The following LRRC4C variants were observed in gnomAD, a reference collection of about 807,000 sequenced individuals.
The protein encoded by LRRC4C is leucine-rich repeat-containing protein 4C.
A neutral mutation model predicts 33.6 loss-of-function variants in LRRC4C; 5 were observed. The ratio of observed to expected loss-of-function variants is 0.15; its 90% CI spans 0.08 to 0.31. LRRC4C has a LOEUF of 0.31. Among genes scored for constraint, LRRC4C ranks in the 10% least tolerant of loss-of-function variants. The probability of loss-of-function intolerance (pLI) is 1.00; values close to 1 mark genes in which losing one functional copy is unlikely to be tolerated. For missense variants in LRRC4C, 560 were observed against 796.7 expected, an observed-to-expected ratio of 0.70 and a Z score of 3.58; for synonymous variants, 329 against 302.0, an observed-to-expected ratio of 1.09 and a Z score of -0.93.
rs34736782 is a variant in LRRC4C at position 41,344,226 on chromosome 11, CT to C, written c.-496+115204del. Among the ~76,000 whole-genome samples, 662 of 118,392 alleles carry C rather than the reference CT, an allele frequency of 5.6e-3. 1 individual carries two copies. The highest frequency in any genetic ancestry group is 8.1e-3 in the Non-Finnish European group (476 of 58,900). The allele number at this position is 118,392 out of a possible 152,430, so 77.7% of individuals were successfully genotyped here. A position where few individuals can be genotyped will look rare whatever the true frequency, so the allele number is the denominator to read the frequency against. On this transcript the variant is annotated intron_variant, in intron 1 of 6. Coordinates refer to ENST00000528697, the MANE Select transcript of LRRC4C (RefSeq NM_001258419.2). ...CTCTTTGCTCCTCTGTGAAGCCTTTCTTTTTTTTTTTTTTTTTTGCGATGGA... is the reference window on the plus strand; with the variant it reads ...CTCTTTGCTCCTCTGTGAAGCCTTTCTTTTTTTTTTTTTTTTTGCGATGGA...
intron 1 of LRRC4C, among the ~76,000 whole-genome samples, chr11:41,285,955 G>A (rs1461398996): frequency 6.6e-6 from 1 of 151,582 alleles, no homozygotes; most frequent in Non-Finnish European, 1.5e-5. Context: ...TCAGCCTCCC[G>A]AGTAGCTGGG....
rs150872542 is a variant in LRRC4C, at chr11:40,494,927, T to C, written c.-270+153215A>G. On this transcript the variant is annotated intron_variant, in intron 3 of 6. Transcript: ENST00000528697. Reference sequence around the variant, plus strand: ...TATCTAAATGTTGTTAGGTTTTAAATTTTTCCTTCTGTAAATTATAGAAAA... The same window carrying C: ...TATCTAAATGTTGTTAGGTTTTAAACTTTTCCTTCTGTAAATTATAGAAAA... Among the ~76,000 whole-genome samples, 163 of 152,328 alleles carry C rather than the reference T, an allele frequency of 1.1e-3. 1 individual carries two copies. The highest frequency in any genetic ancestry group is 1.9e-3 in the Non-Finnish European group (127 of 68,018).
chr11:41,189,440 G>A (rs1213776589), intron 1 of LRRC4C, among the ~76,000 whole-genome samples: 1 of 152,122 alleles, frequency 6.6e-6, no homozygotes, highest in Non-Finnish European at 1.5e-5. Flanking sequence ...AACTGTGTTT[G>A]TAGAGCTGGG....
intron 2 of LRRC4C, among the ~76,000 whole-genome samples, chr11:40,852,311 C>A (rs552613185): frequency 3.9e-5 from 6 of 152,174 alleles, no homozygotes; most frequent in African/African-American, 1.4e-4. Flanking sequence ...CATTTCCACA[C>A]CAGTCTCTTC....
chr11:41,268,659 G>C (rs1949227401), intron 1 of LRRC4C, among the ~76,000 whole-genome samples: 1 of 151,914 alleles, frequency 6.6e-6, no homozygotes, highest in Non-Finnish European at 1.5e-5. Flanking sequence ...AAAACAGTTT[G>C]GGATACAAAT....
At position 41,092,093 on chromosome 11, in the gene LRRC4C, C is replaced by T. The variant is rs545895641; in HGVS notation, c.-495-158370G>A. Among the ~76,000 whole-genome samples, 7 of 152,078 alleles carry T rather than the reference C, an allele frequency of 4.6e-5. No individual in the cohort carries two copies. The South Asian group carries it at 8.3e-4, about 18-fold the overall frequency. On this transcript the variant is annotated intron_variant, in intron 1 of 6. Transcript: ENST00000528697. ...TTTAAGTATTTTTTTACAATAAAAACGTATTATTTGGTTGAATTATAAAAT... is the reference window on the plus strand; with the variant it reads ...TTTAAGTATTTTTTTACAATAAAAATGTATTATTTGGTTGAATTATAAAAT...
At chr11:40,409,820 G>A (rs1019798158) in intron 3 of LRRC4C, among the ~76,000 whole-genome samples, 1 of 152,062 alleles carries the variant, frequency 6.6e-6, no homozygotes, top group Non-Finnish European at 1.5e-5. Context: ...GAAATGATAT[G>A]GAGGTTCCTC....
intron 1 of LRRC4C, among the ~76,000 whole-genome samples, chr11:40,981,663 T>C (rs747146977): frequency 4.6e-5 from 7 of 152,190 alleles, no homozygotes; most frequent in Non-Finnish European, 7.3e-5. Flanking sequence ...TAGAGATCAT[T>C]CCTTGGAATA....
At chr11:40,832,165 C>A (rs1431396948) in intron 2 of LRRC4C, among the ~76,000 whole-genome samples, 5 of 152,042 alleles carry the variant, frequency 3.3e-5, no homozygotes, top group Non-Finnish European at 7.4e-5. Context: ...GGTTACTCTA[C>A]TGCATAGTGT....
chr11:40,681,196 G>A (rs1432296038), intron 2 of LRRC4C, among the ~76,000 whole-genome samples: 2 of 152,158 alleles, frequency 1.3e-5, no homozygotes, highest in Admixed American at 1.3e-4. Flanking sequence ...GGGCACTGAT[G>A]AACCAAAATA....
intron 1 of LRRC4C, among the ~76,000 whole-genome samples, chr11:41,110,436 A>C (rs1941763261): frequency 6.6e-6 from 1 of 152,100 alleles, no homozygotes; most frequent in Non-Finnish European, 1.5e-5. Flanking sequence ...GTAAACTAAG[A>C]CAAAGAGAAT....
At chr11:41,069,870 T>C (rs1327949440) in intron 1 of LRRC4C, among the ~76,000 whole-genome samples, 1 of 152,100 alleles carries the variant, frequency 6.6e-6, no homozygotes, top group Non-Finnish European at 1.5e-5. Context: ...CAATGCTATT[T>C]TCATTAAACT....
chr11:41,049,457 G>T (rs1398019972), intron 1 of LRRC4C, among the ~76,000 whole-genome samples: 1 of 152,178 alleles, frequency 6.6e-6, no homozygotes, highest in African/African-American at 2.4e-5. Context: ...AATGGAAGTT[G>T]TGAGAAACCC....
intron 1 of LRRC4C, among the ~76,000 whole-genome samples, chr11:41,072,661 T>A (rs1938794175): frequency 6.6e-6 from 1 of 152,118 alleles, no homozygotes; most frequent in Non-Finnish European, 1.5e-5. Context: ...TTGCCCAGTA[T>A]CAGGTAGTTC....
chr11:41,110,232 G>A (rs896638928), intron 1 of LRRC4C, among the ~76,000 whole-genome samples: 1 of 151,912 alleles, frequency 6.6e-6, no homozygotes, highest in Admixed American at 6.6e-5. Flanking sequence ...AATTCCCATC[G>A]ATGATATAAA....
intron 1 of LRRC4C, among the ~76,000 whole-genome samples, chr11:41,082,651 C>T (rs964000314): frequency 6.6e-6 from 1 of 152,160 alleles, no homozygotes; most frequent in Non-Finnish European, 1.5e-5. Context: ...AAGGGCACAG[C>T]CAGCAATTTA....
chr11:40,605,404 G>A (rs1187119794), intron 3 of LRRC4C, among the ~76,000 whole-genome samples: 1 of 152,134 alleles, frequency 6.6e-6, no homozygotes, highest in East Asian at 1.9e-4. Flanking sequence ...TCCCTACATA[G>A]AGGCAATGAT....
chr11:41,063,572 T>G (rs186172584), intron 1 of LRRC4C, among the ~76,000 whole-genome samples: 1 of 152,162 alleles, frequency 6.6e-6, no homozygotes, highest in African/African-American at 2.4e-5. Context: ...GAACTAGACA[T>G]GAGTGTTTCA....
intron 3 of LRRC4C, among the ~76,000 whole-genome samples, chr11:40,469,231 C>T (rs768023767): frequency 6.6e-5 from 10 of 152,120 alleles, no homozygotes; most frequent in East Asian, 3.9e-4. Context: ...CCACGGAGGG[C>T]GAGCTGAAGC....
Sources: gnomAD v4.1 joint callset for allele counts (sites outside exome capture counted in the v4.1 genomes callset) on GRCh38, gnomAD v4.1.1 for gene constraint, MANE v1.5 for transcripts, NCBI Gene and HGNC (gene_info 2026-07-23, HGNC 2026-07-21) for gene names.